Variants in PSMB1 observed in about 807,000 individuals in gnomAD.
PSMB1 encodes the protein proteasome 20S subunit beta 1, also known as proteasome subunit beta type-1.
Under a neutral mutation model 25.4 loss-of-function variants are expected in PSMB1, and 7 were observed. The observed-to-expected ratio is 0.28, with a 90% CI of 0.16 to 0.52. The LOEUF (loss-of-function observed/expected upper bound fraction) is 0.52, where lower values mean the gene tolerates loss of function less well. Among genes scored for constraint, PSMB1 ranks in the 20% least tolerant of loss-of-function variants. The pLI, the probability that PSMB1 is intolerant of heterozygous loss-of-function variation, is 0.97. For synonymous variants in PSMB1, 119 were observed against 115.0 expected (o/e 1.03, Z -0.22); for missense variants, 284 against 302.2 (o/e 0.94, Z 0.45).
chr6:170,549,920 C>A (rs1431822559), intron 1 of PSMB1: 1 of 152,186 alleles, frequency 6.6e-6, no homozygotes. Context: ...TATGACTAAG[C>A]ACCTGGGCTC....
At chr6:170,541,202 T>C (rs979161019) in intron 4 of PSMB1, among the ~76,000 whole-genome samples, 2 of 151,834 alleles carry the variant, frequency 1.3e-5, no homozygotes, top group African/African-American at 4.8e-5. Flanking sequence ...GGAAAAGGGA[T>C]CCACCTAGTA....
chr6:170,536,949 G>T (rs1052499031), intron 5 of PSMB1, among the ~76,000 whole-genome samples: 1 of 152,074 alleles, frequency 6.6e-6, no homozygotes, highest in African/African-American at 2.4e-5. Context: ...GACAGCAAGA[G>T]AATTAGCCAC....
chr6:170,536,198 CAGA>C (rs1230628999), intron 5 of PSMB1: 1 of 328,068 alleles, frequency 3.0e-6, no homozygotes, highest in African/African-American at 2.2e-5. Flanking sequence ...TTGAAAAACT[CAGA>C]TGAGCCAAGT....
At chr6:170,541,515 A>C (rs1778758714) in intron 4 of PSMB1, among the ~76,000 whole-genome samples, 1 of 152,140 alleles carries the variant, frequency 6.6e-6, no homozygotes, top group South Asian at 2.1e-4. Flanking sequence ...ACACCAAAAG[A>C]TATCTCAAAA....
rs146510149 is a variant in PSMB1 at position 170,549,079 on chromosome 6, T to C, written c.148A>G (p.Ile50Val). ...ILAIAGEDFA[I>V]VASDTRLSEG... is the part of the protein sequence containing the mutation. ...CTCAATCGAGTATCAGAAGCAACAA[T>C]TGCAAAATCTTCTCCAGCAATTGCC... Residue 50 changes from isoleucine to valine, a missense_variant, in exon 2 of 6, where the codon ATT (isoleucine) becomes GTT (valine). Transcript: ENST00000262193. 500 of 1,613,708 alleles carry C rather than the reference T, an allele frequency of 3.1e-4. 2 individuals carry two copies. In the African/African-American group the frequency reaches 4.8e-3, roughly 16 times the overall value.
chr6:170,537,125 T>C (rs775661964), intron 5 of PSMB1, 109 bp downstream of exon 5: 9 of 788,468 alleles, frequency 1.1e-5, no homozygotes, highest in Non-Finnish European at 1.5e-5. Flanking sequence ...AAAGTCTTTA[T>C]ATCTTGGCTC....
At chr6:170,536,609 A>G (rs1376864037) in intron 5 of PSMB1, 3 of 386,576 alleles carry the variant, frequency 7.8e-6, no homozygotes, top group African/African-American at 4.2e-5. Flanking sequence ...CAGTATTGTA[A>G]ATGTATTTTC....
chr6:170,537,911 AGAG>A (rs1293849626), intron 4 of PSMB1, among the ~76,000 whole-genome samples: 1 of 152,232 alleles, frequency 6.6e-6, no homozygotes, highest in African/African-American at 2.4e-5. Context: ...AAGCTAACGA[AGAG>A]GAGAACTTGA....
In PSMB1 at chr6:170,540,588, CAAAAAAAAAAAAA is replaced by C. The variant is rs5881872; in HGVS notation, c.433+3000_433+3012del. ...AAGACTCTTCAATGTGAATGGACAG[CAAAAAAAAAAAAA>C]AAAAAAAAAAAATCAGAGATTTGAA... On this transcript the variant is annotated intron_variant, in intron 4 of 5. Coordinates refer to ENST00000262193, the MANE Select transcript of PSMB1 (RefSeq NM_002793.4). Among the ~76,000 whole-genome samples, 14 of 61,176 alleles carry C rather than the reference CAAAAAAAAAAAAA, an allele frequency of 2.3e-4. No homozygotes were observed. In the South Asian group the frequency reaches 4.7e-3, roughly 21 times the overall value. The allele number at this position is 61,176 out of a possible 152,430, so 40.1% of individuals were successfully genotyped here.
Position 170,535,306 on chromosome 6 carries a change from C to T in PSMB1, c.640G>A (p.Asp214Asn). 1 of 1,614,152 alleles carries T rather than the reference C, an allele frequency of 6.2e-7. No homozygotes were observed. Among genetic ancestry groups the T allele is most frequent in the Non-Finnish European group, 8.5e-7 (1 of 1,180,002 alleles). Residue 214 changes from aspartate to asparagine, a missense_variant, in exon 6 of 6, where the codon GAT becomes AAT. Asp to Asn is a conservative substitution (Grantham distance 23). Coordinates refer to ENST00000262193, the MANE Select transcript of PSMB1 (RefSeq NM_002793.4). ...CGGAGTGCGTCCCCAGTGTACACATCTCTCTCAGCCGCAGAAATGAAGACA... is the reference window on the plus strand; with the variant it reads ...CGGAGTGCGTCCCCAGTGTACACATTTCTCTCAGCCGCAGAAATGAAGACA... ...KDVFISAAERDVYTGDALRIC... is the reference protein window; with the variant it reads ...KDVFISAAERNVYTGDALRIC...
intron 1 of PSMB1, chr6:170,549,986 G>A (rs1024009905): frequency 2.0e-5 from 3 of 152,154 alleles, no homozygotes; most frequent in Non-Finnish European, 4.4e-5. Flanking sequence ...TGTGATCTTG[G>A]ACAAATCCTC....
At chr6:170,551,372 G>C (rs1778899761) in intron 1 of PSMB1, among the ~76,000 whole-genome samples, 1 of 152,132 alleles carries the variant, frequency 6.6e-6, no homozygotes, top group Non-Finnish European at 1.5e-5. Flanking sequence ...GGCGGCTAAT[G>C]ACTTAACTAC....
Position 170,553,158 on chromosome 6 carries a change from G to C in PSMB1, c.85C>G (p.Arg29Gly). Reference sequence around the variant, plus strand: ...CCGTTGAAAACGTAGGGCGAAAATCGCAGCTGCAAAGGGCCCGCGGCTCTG... The same window carrying C: ...CCGTTGAAAACGTAGGGCGAAAATCCCAGCTGCAAAGGGCCCGCGGCTCTG... ...PHRAAGPLQL[R>G]FSPYVFNGGT... is the part of the protein sequence containing the mutation. The change falls in exon 1 of 6, where the codon CGA becomes GGA. Residue 29 changes from arginine (R) to glycine (G), a missense_variant. Coordinates refer to ENST00000262193, the MANE Select transcript of PSMB1 (RefSeq NM_002793.4). 6.2e-7 allele frequency: 1 copy of C among 1,613,434 alleles called. No homozygotes were observed. The highest frequency in any genetic ancestry group is 8.5e-7 in the Non-Finnish European group (1 of 1,179,726).
intron 2 of PSMB1, among the ~76,000 whole-genome samples, chr6:170,547,745 TAC>T (rs766498459): frequency 3.9e-4 from 59 of 152,142 alleles, no homozygotes; most frequent in Non-Finnish European, 6.9e-4. Flanking sequence ...ATGCAAAGAA[TAC>T]AGTCTGAAAC....
At chr6:170,538,555 T>A (rs1284096602) in intron 4 of PSMB1, among the ~76,000 whole-genome samples, 1 of 152,114 alleles carries the variant, frequency 6.6e-6, no homozygotes, top group African/African-American at 2.4e-5. Flanking sequence ...AAAAATTAGC[T>A]GAGCATGGTG....
At chr6:170,539,223 A>C (rs1311212535) in intron 4 of PSMB1, among the ~76,000 whole-genome samples, 5 of 152,364 alleles carry the variant, frequency 3.3e-5, no homozygotes, top group Non-Finnish European at 7.3e-5. Context: ...GACAAGTCTT[A>C]AAAGAAATAC....
At chr6:170,552,360 A>C (rs1414910128) in intron 1 of PSMB1, among the ~76,000 whole-genome samples, 2 of 152,202 alleles carry the variant, frequency 1.3e-5, no homozygotes, top group Non-Finnish European at 2.9e-5. Flanking sequence ...TCTTTCTATA[A>C]CCCTAAATCT....
In PSMB1 at chr6:170,537,270, T is replaced by A. The variant is rs754760743; in HGVS notation, c.504A>T (p.Ser168=). The change falls in exon 5 of 6, where the codon TCA becomes TCT. Residue 168 remains serine (S), a synonymous_variant. Transcript: ENST00000262193. ...GCAGGGGCTGTAGCATGGCACTTGC[T>A]GAGCCTCCAGCCTTGAAGGAGTCTC... ...YQRDSFKAGG[S]ASAMLQPLLD... 2.3e-5 allele frequency: 37 copies of A among 1,614,058 alleles called. No individual in the cohort carries two copies. Among genetic ancestry groups the A allele is most frequent in the Non-Finnish European group, 5.9e-6 (7 of 1,180,026 alleles).
chr6:170,553,268 C>A lies in PSMB1; in HGVS notation c.-26G>T. 1 of 1,550,450 alleles carries A rather than the reference C, an allele frequency of 6.4e-7. No homozygotes were observed. Among genetic ancestry groups the A allele is most frequent in the Non-Finnish European group, 8.8e-7 (1 of 1,130,220 alleles). ...CGCACGGCTGCGCCTGCGGATCCGA[C>A]ACTTGCTGTCTCACGGCGAGATGGC... On this transcript the variant is annotated 5_prime_UTR_variant, in exon 1 of 6. Coordinates refer to ENST00000262193, the MANE Select transcript of PSMB1 (RefSeq NM_002793.4).
Sources: gnomAD v4.1 joint callset for allele counts (sites outside exome capture counted in the v4.1 genomes callset) on GRCh38, gnomAD v4.1.1 for gene constraint, MANE v1.5 for transcripts, NCBI Gene and HGNC (gene_info 2026-07-23, HGNC 2026-07-21) for gene names.